Variants in ARHGEF2 observed in about 807,000 individuals in gnomAD.
ARHGEF2 encodes the protein rho guanine nucleotide exchange factor 2.
A neutral mutation model predicts 121.0 loss-of-function variants in ARHGEF2; 22 were observed. The observed-to-expected ratio is 0.18, with a 90% CI of 0.13 to 0.26. The LOEUF is 0.26. Ranked by LOEUF, ARHGEF2 falls within the 10% of genes least tolerant of loss-of-function variation. ARHGEF2 has a pLI of 1.00. For synonymous variants in ARHGEF2, 487 were observed against 530.0 expected (o/e 0.92, Z 1.11); for missense variants, 907 against 1,336.0 (o/e 0.68, Z 5.01).
chr1:155,976,203 G>A (rs767097529), intron 1 of ARHGEF2, among the ~76,000 whole-genome samples: 1 of 151,912 alleles, frequency 6.6e-6, no homozygotes, highest in Non-Finnish European at 1.5e-5. Flanking sequence ...CTTTTCCAGC[G>A]GGTGCCCCTC....
rs141390530 is a variant in ARHGEF2, at chr1:155,951,752, A to G, written c.2197T>C (p.Ser733Pro). Residue 733 changes from serine to proline, a missense_variant, in exon 18 of 22, where the codon TCA becomes CCA. By Grantham distance (74) the Ser-to-Pro change is moderately conservative. Around this residue, in one of 2 missense-constraint regions of ARHGEF2, gnomAD observed 432 missense variants for 559.5 expected, o/e 0.77. Coordinates refer to ENST00000361247, the MANE Select transcript of ARHGEF2 (RefSeq NM_001162383.2). This position sits in a 1 kb window ranked among gnomAD's most constrained non-coding sequence, Gnocchi z 5.1. The stretch of plus-strand genomic sequence containing the variant: ...AATTCCCATCTCACCTCTTGCGGTG[A>G]TCTCAGCTGATTTCCATTTCGATCC... ...QRDRNGNQLRSPQEEALQRLV... is the reference protein window; with the variant it reads ...QRDRNGNQLRPPQEEALQRLV... 7 of 1,614,014 alleles carry G rather than the reference A, an allele frequency of 4.3e-6. No individual in the cohort carries two copies. Among genetic ancestry groups the G allele is most frequent in the Non-Finnish European group, 5.9e-6 (7 of 1,180,008 alleles).
rs1442111598 is a variant in ARHGEF2, at chr1:155,950,855, G to A, written c.2677C>T (p.Leu893=). 1.3e-6 allele frequency: 2 copies of A among 1,540,364 alleles called. No individual in the cohort carries two copies. Among genetic ancestry groups the A allele is most frequent in the South Asian group, 2.5e-5 (2 of 78,792 alleles). Residue 893 remains leucine, a synonymous_variant, in exon 20 of 22, where the codon CTG becomes TTG. Coordinates refer to ENST00000361247, the MANE Select transcript of ARHGEF2 (RefSeq NM_001162383.2). This position sits in a 1 kb window ranked among gnomAD's most constrained non-coding sequence, Gnocchi z 5.2. Reference sequence around the variant, plus strand: ...TGTGGGGGGTTGAAACTCAAGTACAGGGCATCGCCTGCGGGGAGGCTGCGC... The same window carrying A: ...TGTGGGGGGTTGAAACTCAAGTACAAGGCATCGCCTGCGGGGAGGCTGCGC... The part of the protein sequence containing the change: ...RRRSLPAGDA[L]YLSFNPPQPS...
chr1:155,966,624 A>C (rs934005579), intron 3 of ARHGEF2, 145 bp from the exon 4 acceptor site: 5 of 1,075,182 alleles, frequency 4.7e-6, no homozygotes, highest in Non-Finnish European at 4.2e-6. Context: ...GATTGAGCCC[A>C]GTGCTGTGGG....
intron 21 of ARHGEF2, among the ~76,000 whole-genome samples, chr1:155,948,972 G>C (rs1489800823): frequency 1.3e-5 from 2 of 152,114 alleles, no homozygotes; most frequent in African/African-American, 4.8e-5. Flanking sequence ...GGGGGACCAG[G>C]CACGGTGGCT....
intron 7 of ARHGEF2, among the ~76,000 whole-genome samples, chr1:155,964,144 C>CAA (rs71576039): frequency 2.9e-4 from 16 of 55,764 alleles, no homozygotes; most frequent in African/African-American, 1.6e-3. Flanking sequence ...GACTCTGCTT[C>CAA]AAAAAAAAAA....
chr1:155,956,120 G>A (rs1331801711), intron 13 of ARHGEF2, among the ~76,000 whole-genome samples: 2 of 151,766 alleles, frequency 1.3e-5, no homozygotes, highest in Admixed American at 6.6e-5. Flanking sequence ...TTTTTTTGGA[G>A]ATGGAGTCTC....
In ARHGEF2 at chr1:155,964,172, A is replaced by ATATATG. The variant is rs1553244891; in HGVS notation, c.724+815_724+816insCATATA. The stretch of plus-strand genomic sequence containing the variant: ...AAAAAAAAAAAAAAAAAAAAAATAT[A>ATATATG]TATATATATATATATATATATATAT... On this transcript the variant is annotated intron_variant, in intron 7 of 21. Coordinates refer to ENST00000361247, the MANE Select transcript of ARHGEF2 (RefSeq NM_001162383.2). Among the ~76,000 whole-genome samples, 978 of 66,894 alleles carry ATATATG rather than the reference A, an allele frequency of 0.015. 76 individuals carry two copies. In the East Asian group the frequency reaches 0.23, roughly 16 times the overall value. The allele number at this position is 66,894 out of a possible 152,430, so 43.9% of individuals were successfully genotyped here. A position where few individuals can be genotyped will look rare whatever the true frequency, so the allele number is the denominator to read the frequency against.
Position 155,965,051 on chromosome 1 carries a change from C to T in ARHGEF2, c.661G>A (p.Val221Met), listed in dbSNP as rs774193522. The change falls in exon 7 of 22, where the codon GTG (valine) becomes ATG (methionine). Residue 221 changes from valine (V) to methionine (M), a missense_variant. This residue lies in a region of ARHGEF2 where 475 missense variants were observed against 776.5 expected (regional missense o/e 0.61). Coordinates refer to ENST00000361247, the MANE Select transcript of ARHGEF2 (RefSeq NM_001162383.2). This position sits in a 1 kb window ranked among gnomAD's most constrained non-coding sequence, Gnocchi z 6.0. Reference sequence around the variant, plus strand: ...TGCTGCTGCAGGAAGCTGCTGTCCACAGCAAGACTCCAAGAGTCAGCTGCA... The same window carrying T: ...TGCTGCTGCAGGAAGCTGCTGTCCATAGCAAGACTCCAAGAGTCAGCTGCA... Reference protein sequence around the residue: ...DFAADSWSLAVDSSFLQQHKK... With the variant: ...DFAADSWSLAMDSSFLQQHKK... 6.2e-7 allele frequency: 1 copy of T among 1,614,186 alleles called. No homozygotes were observed. The highest frequency in any genetic ancestry group is 8.5e-7 in the Non-Finnish European group (1 of 1,180,040).
intron 14 of ARHGEF2, 131 bp downstream of exon 14, chr1:155,954,771 C>A: frequency 1.2e-6 from 1 of 830,092 alleles, no homozygotes; most frequent in Non-Finnish European, 1.8e-6. Context: ...TTGCTTTTTT[C>A]ACTTAATATG....
In ARHGEF2 at chr1:155,947,973, C is replaced by T. The variant is rs1356981777; in HGVS notation, c.2930G>A (p.Arg977His). Reference protein sequence around the residue: ...MQDIPEETESRDGEAVASES With the variant: ...MQDIPEETESHDGEAVASES ...CTCGGAGGCTACAGCCTCCCCGTCGCGGCTCTCCGTCTCCTCCGGGATGTC... is the reference window on the plus strand; with the variant it reads ...CTCGGAGGCTACAGCCTCCCCGTCGTGGCTCTCCGTCTCCTCCGGGATGTC... The change falls in exon 22 of 22, where the codon CGC becomes CAC. Residue 977 changes from arginine to histidine, a missense_variant. Physicochemically the swap from Arg to His is conservative, Grantham distance 29. This residue lies in a region of ARHGEF2 where 432 missense variants were observed against 559.5 expected (regional missense o/e 0.77). Transcript: ENST00000361247. 3.2e-6 allele frequency: 5 copies of T among 1,551,028 alleles called. No individual in the cohort carries two copies. Among genetic ancestry groups the T allele is most frequent in the African/African-American group, 1.4e-5 (1 of 73,042 alleles).
chr1:155,956,932 G>C (rs542701549), intron 13 of ARHGEF2, among the ~76,000 whole-genome samples: 1 of 150,958 alleles, frequency 6.6e-6, no homozygotes, highest in East Asian at 1.9e-4. Flanking sequence ...GTCGTGGTGG[G>C]CACCTGTAGT....
In ARHGEF2 at chr1:155,978,137, C is replaced by A; in HGVS notation, c.63+228G>T. The A allele has an allele frequency of 7.8e-7, 1 of 1,277,324 alleles. No homozygotes were observed. The highest frequency in any genetic ancestry group is 9.9e-7 in the Non-Finnish European group (1 of 1,005,880). 79.1% of individuals were successfully genotyped at this position (1,277,324 alleles called of 1,614,324 possible). On this transcript the variant is annotated intron_variant, in intron 1 of 21. Transcript: ENST00000361247. This position sits in a 1 kb window ranked among gnomAD's most constrained non-coding sequence, Gnocchi z 4.1. The stretch of plus-strand genomic sequence containing the variant: ...GCTTGGAGGCGACCAAGCCCAGGTC[C>A]GCTCCGCTCCCTCCCGGGATCCCAG...
chr1:155,952,296 T>A, intron 15 of ARHGEF2, 61 bp from the exon 16 acceptor site: 5 of 1,602,128 alleles, frequency 3.1e-6, no homozygotes, highest in Non-Finnish European at 4.3e-6. Flanking sequence ...GGGAATGCCA[T>A]TCACCCCCAC....
In ARHGEF2 at chr1:155,947,438, C is replaced by T. The variant is rs1271725519; in HGVS notation, c.*504G>A. On this transcript the variant is annotated 3_prime_UTR_variant, in exon 22 of 22. Coordinates refer to ENST00000361247, the MANE Select transcript of ARHGEF2 (RefSeq NM_001162383.2). ...AGGTTGAGGGGAGAGGAGAAAGGGA[C>T]ATGGCCCTGCCCACAGCCCTCCTTT... The T allele has an allele frequency of 8.8e-6, 4 of 456,536 alleles. No homozygotes were observed. The highest frequency in any genetic ancestry group is 1.8e-5 in the Non-Finnish European group (4 of 226,846). 28.3% of individuals were successfully genotyped at this position (456,536 alleles called of 1,614,324 possible). A position where few individuals can be genotyped will look rare whatever the true frequency, so the allele number is the denominator to read the frequency against.
In ARHGEF2 at chr1:155,951,831, G is replaced by A. The variant is rs372676156; in HGVS notation, c.2173-55C>T. On this transcript the variant is annotated intron_variant, in intron 17 of 21. Coordinates refer to ENST00000361247, the MANE Select transcript of ARHGEF2 (RefSeq NM_001162383.2). This position sits in a 1 kb window ranked among gnomAD's most constrained non-coding sequence, Gnocchi z 5.1. ...GCAGGCACACAAATCCTGGGTGCCT[G>A]CCCCTGACAGCTTTGTGTTGAGGAT... 57 of 1,612,930 alleles carry A rather than the reference G, an allele frequency of 3.5e-5. No individual in the cohort carries two copies. The highest frequency in any genetic ancestry group is 8.9e-5 in the East Asian group (4 of 44,896).
At chr1:155,956,925 G>A (rs530557847) in intron 13 of ARHGEF2, among the ~76,000 whole-genome samples, 7 of 148,594 alleles carry the variant, frequency 4.7e-5, no homozygotes, top group African/African-American at 9.9e-5. Flanking sequence ...GCCTGGGGTC[G>A]TGGTGGGCAC....
chr1:155,954,864 T>C, intron 14 of ARHGEF2, 38 bp downstream of exon 14: 3 of 1,573,680 alleles, frequency 1.9e-6, no homozygotes, highest in Non-Finnish European at 2.6e-6. Flanking sequence ...TGTGAATGTA[T>C]TATAAATTAC....
At chr1:155,949,318 A>G (rs577763523) in intron 21 of ARHGEF2, among the ~76,000 whole-genome samples, 2 of 152,228 alleles carry the variant, frequency 1.3e-5, no homozygotes, top group South Asian at 4.1e-4. Context: ...GCAGTGGCTC[A>G]CATCTGTAAT....
Position 155,978,442 on chromosome 1 carries a change from A to G in ARHGEF2, c.-15T>C. The stretch of plus-strand genomic sequence containing the variant: ...ATCCGAGACATAATCGGACGGGGGG[A>G]CCAGGGAGGACGCGGCGCGGACCCC... On this transcript the variant is annotated 5_prime_UTR_variant, in exon 1 of 22. Coordinates refer to ENST00000361247, the MANE Select transcript of ARHGEF2 (RefSeq NM_001162383.2). The surrounding 1 kb of genome is among the most constrained non-coding windows in gnomAD (Gnocchi z 4.1). 4 of 1,471,384 alleles carry G rather than the reference A, an allele frequency of 2.7e-6. No individual in the cohort carries two copies. The highest frequency in any genetic ancestry group is 3.7e-6 in the Non-Finnish European group (4 of 1,095,420). 91.1% of individuals were successfully genotyped at this position (1,471,384 alleles called of 1,614,324 possible). A position where few individuals can be genotyped will look rare whatever the true frequency, so the allele number is the denominator to read the frequency against.
Sources: allele counts gnomAD v4.1 joint callset (sites outside exome capture counted in the v4.1 genomes callset), GRCh38; gene constraint gnomAD v4.1.1; regional missense constraint gnomAD v4.1.1; non-coding constraint Gnocchi (gnomAD v3.1); transcripts MANE v1.5; gene names NCBI Gene and HGNC (gene_info 2026-07-23, HGNC 2026-07-21).